FGF18: variants seen among roughly 807,000 people sequenced by gnomAD.
FGF18 encodes the protein fibroblast growth factor 18.
Under a neutral mutation model 23.0 loss-of-function variants are expected in FGF18, and 5 were observed. That is an observed-to-expected ratio of 0.22 (90% confidence interval 0.11 to 0.46). The LOEUF (loss-of-function observed/expected upper bound fraction) is 0.46, where lower values mean the gene tolerates loss of function less well. Among genes scored for constraint, FGF18 ranks in the 20% least tolerant of loss-of-function variants. The probability of loss-of-function intolerance (pLI) is 0.99; values close to 1 mark genes in which losing one functional copy is unlikely to be tolerated. For missense variants in FGF18, 180 were observed against 291.6 expected, an observed-to-expected ratio of 0.62 and a Z score of 2.79; for synonymous variants, 117 against 118.9, an observed-to-expected ratio of 0.98 and a Z score of 0.10.
At chr5:171,443,055 C>T (rs1247774405) in intron 3 of FGF18, among the ~76,000 whole-genome samples, 2 of 152,176 alleles carry the variant, frequency 1.3e-5, no homozygotes, top group Non-Finnish European at 2.9e-5. Flanking sequence ...GATTCAGTTT[C>T]TTCATCTGTA....
chr5:171,421,307 C>A (rs1581268004), intron 2 of FGF18, among the ~76,000 whole-genome samples: 2 of 152,132 alleles, frequency 1.3e-5, no homozygotes, highest in African/African-American at 4.8e-5. Context: ...TAGAACCAGA[C>A]CAGGGCTGCC....
chr5:171,420,610 G>T (rs887649877), intron 2 of FGF18, among the ~76,000 whole-genome samples, 167 bp downstream of exon 2: 2 of 152,192 alleles, frequency 1.3e-5, no homozygotes, highest in Non-Finnish European at 2.9e-5. Flanking sequence ...GCCCTGCGCC[G>T]GCGGGGAACC....
intron 2 of FGF18, among the ~76,000 whole-genome samples, chr5:171,427,985 G>C (rs1289168449): frequency 6.6e-6 from 1 of 152,212 alleles, no homozygotes; most frequent in Non-Finnish European, 1.5e-5. Flanking sequence ...CATCAGGACA[G>C]AACCTCCCTC....
intron 4 of FGF18, 23 bp downstream of exon 4, chr5:171,449,276 C>T (rs567881592): frequency 1.1e-5 from 17 of 1,562,132 alleles, no homozygotes; most frequent in African/African-American, 8.1e-5. Context: ...TTGGGATTCC[C>T]GGGAACTTCG....
At chr5:171,448,886 G>A (rs916055612) in intron 3 of FGF18, among the ~76,000 whole-genome samples, 1 of 152,098 alleles carries the variant, frequency 6.6e-6, no homozygotes, top group Non-Finnish European at 1.5e-5. Context: ...ATCCCAAGTG[G>A]AGCCAAGAGA....
In FGF18 at chr5:171,436,310, G is replaced by A. The variant is rs373839190; in HGVS notation, c.250+37G>A. ...CCCTCTCCTCCTACTCCGTGTACCCGTGTACATGTCCTTCCTGGCCTCAGA... is the reference window on the plus strand; with the variant it reads ...CCCTCTCCTCCTACTCCGTGTACCCATGTACATGTCCTTCCTGGCCTCAGA... On this transcript the variant is annotated intron_variant, in intron 3 of 4. Coordinates refer to ENST00000274625, the MANE Select transcript of FGF18 (RefSeq NM_003862.3). The surrounding 1 kb of genome is among the most constrained non-coding windows in gnomAD (Gnocchi z 4.4). The A allele has an allele frequency of 1.5e-4, 215 of 1,432,680 alleles. No homozygotes were observed. Among genetic ancestry groups the A allele is most frequent in the Admixed American group, 4.1e-4 (16 of 39,094 alleles). The allele number at this position is 1,432,680 out of a possible 1,614,324, so 88.7% of individuals were successfully genotyped here.
intron 3 of FGF18, among the ~76,000 whole-genome samples, chr5:171,438,258 C>T (rs1219892898): frequency 1.3e-5 from 2 of 151,942 alleles, no homozygotes; most frequent in Non-Finnish European, 2.9e-5. Flanking sequence ...CCCACCACCA[C>T]GCCTGGCTAA....
chr5:171,454,927 C>G (rs571849625), intron 4 of FGF18, among the ~76,000 whole-genome samples: 1 of 152,248 alleles, frequency 6.6e-6, no homozygotes, highest in Non-Finnish European at 1.5e-5. Flanking sequence ...CTCACCACCC[C>G]CTGTCCAGAT....
At position 171,456,427 on chromosome 5, in the gene FGF18, C is replaced by T; in HGVS notation, c.358-112C>T. 1.9e-6 allele frequency: 2 copies of T among 1,079,344 alleles called. No individual in the cohort carries two copies. Among genetic ancestry groups the T allele is most frequent in the South Asian group, 1.6e-5 (1 of 62,406 alleles). 66.9% of individuals were successfully genotyped at this position (1,079,344 alleles called of 1,614,324 possible). On this transcript the variant is annotated intron_variant, in intron 4 of 4. Coordinates refer to ENST00000274625, the MANE Select transcript of FGF18 (RefSeq NM_003862.3). The surrounding 1 kb of genome is among the most constrained non-coding windows in gnomAD (Gnocchi z 6.1). ...TCTCCCCCACTGCAAAACTTCATTA[C>T]AGTTGTCCCTACAACAATCGCAATG... is the stretch of plus-strand genomic sequence containing the variant.
chr5:171,456,512 TGAACA>T lies in FGF18; in HGVS notation c.358-26_358-22del. ...AAGCATAACTGAGTCATTTTTTTCT[TGAACA>T]CTCCCCCTCTCTCCCCTGCAGCCCG... On this transcript the variant is annotated intron_variant, in intron 4 of 4. Transcript: ENST00000274625. The surrounding 1 kb of genome is among the most constrained non-coding windows in gnomAD (Gnocchi z 6.1). 1.3e-6 allele frequency: 2 copies of T among 1,598,864 alleles called. No homozygotes were observed. Among genetic ancestry groups the T allele is most frequent in the Admixed American group, 1.7e-5 (1 of 58,074 alleles).
chr5:171,430,130 G>A (rs541376672), intron 2 of FGF18, among the ~76,000 whole-genome samples: 2 of 152,192 alleles, frequency 1.3e-5, no homozygotes, highest in African/African-American at 2.4e-5. Flanking sequence ...AGGCCGAGGC[G>A]GGTGGATCAT....
At chr5:171,429,407 G>A (rs549930882) in intron 2 of FGF18, among the ~76,000 whole-genome samples, 13 of 152,358 alleles carry the variant, frequency 8.5e-5, no homozygotes, top group Admixed American at 6.5e-4. Context: ...GGGAGCCAAC[G>A]TGAGCTTCAC....
chr5:171,427,800 C>A (rs1030083718), intron 2 of FGF18, among the ~76,000 whole-genome samples: 2 of 152,172 alleles, frequency 1.3e-5, no homozygotes, highest in African/African-American at 4.8e-5. Context: ...GCTCTGTTTC[C>A]CCCGATCCCC....
intron 3 of FGF18, among the ~76,000 whole-genome samples, chr5:171,443,092 A>G (rs567513652): frequency 6.6e-6 from 1 of 151,966 alleles, no homozygotes; most frequent in East Asian, 1.9e-4. Context: ...CCTACCTCAT[A>G]GGGCTGTTGT....
chr5:171,422,876 T>A (rs1772037006), intron 2 of FGF18, among the ~76,000 whole-genome samples: 1 of 152,164 alleles, frequency 6.6e-6, no homozygotes, highest in Admixed American at 6.5e-5. Context: ...TCTCTGTGGA[T>A]CCCCAGAGTC....
At chr5:171,428,312 G>T (rs1264153791) in intron 2 of FGF18, among the ~76,000 whole-genome samples, 1 of 152,152 alleles carries the variant, frequency 6.6e-6, no homozygotes, top group Non-Finnish European at 1.5e-5. Context: ...CTGTGCCAGG[G>T]GCTGGGGCAC....
chr5:171,446,774 G>A (rs1297855286), intron 3 of FGF18, among the ~76,000 whole-genome samples: 1 of 152,138 alleles, frequency 6.6e-6, no homozygotes, highest in Admixed American at 6.5e-5. Context: ...AGTGGGGTAT[G>A]GCTTACTCAA....
In FGF18 at chr5:171,447,831, G is replaced by A. The variant is rs544170605; in HGVS notation, c.251-1316G>A. On this transcript the variant is annotated intron_variant, in intron 3 of 4. Transcript: ENST00000274625. ...TATGATTTTTGTTATGGAGAAGCAA[G>A]TCCCTTGTCACTGAAATTAAACTTT... Among the ~76,000 whole-genome samples the A allele has an allele frequency of 1.6e-3, 249 of 152,304 alleles. 4 individuals carry two copies. The highest frequency in any genetic ancestry group is 8.3e-3 in the Admixed American group (127 of 15,298).
chr5:171,420,085 G>C lies in FGF18; in HGVS notation c.-115G>C. Reference sequence around the variant, plus strand: ...GCAGCAGCAGCAGCCGGCGAGGAGGGAGCAGCAGCAGCGGCGGCGGCGGCG... The same window carrying C: ...GCAGCAGCAGCAGCCGGCGAGGAGGCAGCAGCAGCAGCGGCGGCGGCGGCG... On this transcript the variant is annotated 5_prime_UTR_variant, in exon 1 of 5. Coordinates refer to ENST00000274625, the MANE Select transcript of FGF18 (RefSeq NM_003862.3). The C allele has an allele frequency of 1.2e-6, 1 of 847,072 alleles. No individual in the cohort carries two copies. Among genetic ancestry groups the C allele is most frequent in the Non-Finnish European group, 1.6e-6 (1 of 628,358 alleles). 52.5% of individuals were successfully genotyped at this position (847,072 alleles called of 1,614,324 possible). A position where few individuals can be genotyped will look rare whatever the true frequency, so the allele number is the denominator to read the frequency against.
Sources: allele counts gnomAD v4.1 joint callset (sites outside exome capture counted in the v4.1 genomes callset), GRCh38; gene constraint gnomAD v4.1.1; non-coding constraint Gnocchi (gnomAD v3.1); transcripts MANE v1.5; gene names NCBI Gene and HGNC (gene_info 2026-07-23, HGNC 2026-07-21).